Variants in IPO11 observed in about 807,000 individuals in gnomAD.
IPO11 encodes the protein importin-11.
A neutral mutation model predicts 143.2 loss-of-function variants in IPO11; 66 were observed. That is an observed-to-expected ratio of 0.46 (90% CI 0.38 to 0.57). IPO11 has a LOEUF of 0.57. Among genes scored for constraint, IPO11 ranks in the 20% least tolerant of loss-of-function variants. The pLI, the probability that IPO11 is intolerant of heterozygous loss-of-function variation, is 0.00. For missense variants in IPO11, 1,026 were observed against 1,141.0 expected, an observed-to-expected ratio of 0.90 and a Z score of 1.45; for synonymous variants, 385 against 377.8, an observed-to-expected ratio of 1.02 and a Z score of -0.22.
intron 21 of IPO11, chr5:62,526,695 G>A (rs1456683152): frequency 6.4e-6 from 1 of 155,118 alleles, no homozygotes; most frequent in African/African-American, 2.4e-5. Flanking sequence ...TTAGTAGTAT[G>A]CGTTATTAAG....
At chr5:62,461,526 C>T (rs1001670584) in intron 5 of IPO11, among the ~76,000 whole-genome samples, 2 of 152,140 alleles carry the variant, frequency 1.3e-5, no homozygotes, top group South Asian at 4.1e-4. Context: ...GGCTGTTTGT[C>T]GAAAGATAGT....
At chr5:62,536,456 T>C (rs528580926) in intron 22 of IPO11, among the ~76,000 whole-genome samples, 293 of 151,912 alleles carry the variant, frequency 1.9e-3, no homozygotes, top group Non-Finnish European at 2.7e-3. Context: ...TATTCATTCA[T>C]TGAGACAGGG....
intron 16 of IPO11, among the ~76,000 whole-genome samples, chr5:62,498,020 T>G (rs971339804): frequency 6.6e-6 from 1 of 151,126 alleles, no homozygotes; most frequent in African/African-American, 2.4e-5. Flanking sequence ...TGAATATTGT[T>G]TTTTTTTTTT....
intron 5 of IPO11, among the ~76,000 whole-genome samples, chr5:62,465,780 C>G (rs1745552730): frequency 2.0e-5 from 3 of 152,202 alleles, no homozygotes; most frequent in Admixed American, 2.0e-4. Context: ...CAGTGAACCA[C>G]TTTTAGATTC....
chr5:62,572,549 A>G (rs375533336), intron 27 of IPO11, among the ~76,000 whole-genome samples: 1,228 of 31,816 alleles, frequency 0.039, 5 homozygotes, highest in Non-Finnish European at 0.058. Context: ...TTGTTTGTTT[A>G]TTTATTTATT....
At chr5:62,572,216 C>G (rs1220546386) in intron 27 of IPO11, among the ~76,000 whole-genome samples, 1 of 152,084 alleles carries the variant, frequency 6.6e-6, no homozygotes, top group Non-Finnish European at 1.5e-5. Context: ...GATCATATTC[C>G]TAGATATTTC....
intron 27 of IPO11, among the ~76,000 whole-genome samples, chr5:62,574,855 A>G (rs187211430): frequency 1.5e-3 from 222 of 152,294 alleles, no homozygotes; most frequent in South Asian, 2.7e-3. Context: ...AAAGTGTCCT[A>G]GTGTCAGTAC....
At chr5:62,418,214 G>A (rs1580152856) in intron 1 of IPO11, among the ~76,000 whole-genome samples, 1 of 151,238 alleles carries the variant, frequency 6.6e-6, no homozygotes, top group Non-Finnish European at 1.5e-5. Context: ...TGACCAAGCT[G>A]GAGTGCAGTG....
chr5:62,602,380 G>A (rs929442953), intron 29 of IPO11, among the ~76,000 whole-genome samples: 4 of 151,780 alleles, frequency 2.6e-5, no homozygotes, highest in African/African-American at 7.3e-5. Context: ...ATATATAATC[G>A]TGAATGTTTA....
At chr5:62,447,381 C>T (rs1188353215) in intron 3 of IPO11, among the ~76,000 whole-genome samples, 2 of 152,192 alleles carry the variant, frequency 1.3e-5, no homozygotes, top group Non-Finnish European at 2.9e-5. Flanking sequence ...CTGGGATTTA[C>T]AGGCGTGAGC....
At chr5:62,429,777 C>T (rs544932621) in intron 1 of IPO11, among the ~76,000 whole-genome samples, 30 of 152,164 alleles carry the variant, frequency 2.0e-4, no homozygotes, top group African/African-American at 7.0e-4. Context: ...GCATGTGCCA[C>T]CACACCCAGC....
intron 27 of IPO11, chr5:62,562,205 A>T (rs1469706142): frequency 6.6e-6 from 1 of 152,342 alleles, no homozygotes; most frequent in East Asian, 1.9e-4. Flanking sequence ...GCCCTTCTGT[A>T]CCAAAGCCAT....
At chr5:62,505,824 A>C (rs533563919) in intron 18 of IPO11, among the ~76,000 whole-genome samples, 6 of 152,116 alleles carry the variant, frequency 3.9e-5, no homozygotes, top group Non-Finnish European at 7.4e-5. Flanking sequence ...ATGTGAGTGC[A>C]ATAATTAACG....
At chr5:62,613,142 T>C (rs548415079) in intron 29 of IPO11, among the ~76,000 whole-genome samples, 20 of 151,992 alleles carry the variant, frequency 1.3e-4, no homozygotes, top group Non-Finnish European at 2.1e-4. Flanking sequence ...CTCATTGATA[T>C]TTTTTTGTTT....
At chr5:62,483,903 G>C in intron 10 of IPO11, 107 bp from the exon 11 acceptor site, 1 of 908,112 alleles carries the variant, frequency 1.1e-6, no homozygotes, top group Non-Finnish European at 1.7e-6. Flanking sequence ...TTATACACAA[G>C]TGTATCTTCT....
chr5:62,550,770 A>T (rs1232743054), intron 25 of IPO11, among the ~76,000 whole-genome samples: 1 of 152,114 alleles, frequency 6.6e-6, no homozygotes, highest in Non-Finnish European at 1.5e-5. Flanking sequence ...AAATAGTATT[A>T]ATGTTCTTAT....
chr5:62,517,950 A>G (rs1179976735), intron 20 of IPO11, among the ~76,000 whole-genome samples: 1 of 152,126 alleles, frequency 6.6e-6, no homozygotes, highest in African/African-American at 2.4e-5. Flanking sequence ...ATAACATAAT[A>G]CCAAAATTGA....
intron 1 of IPO11, among the ~76,000 whole-genome samples, chr5:62,418,570 C>G (rs888090362): frequency 2.6e-5 from 4 of 152,124 alleles, no homozygotes; most frequent in African/African-American, 9.7e-5. Flanking sequence ...TTAAGGATAT[C>G]GGGAACATAG....
chr5:62,424,005 A>G (rs1743609593), intron 1 of IPO11, among the ~76,000 whole-genome samples: 1 of 152,028 alleles, frequency 6.6e-6, no homozygotes, highest in African/African-American at 2.4e-5. Context: ...TTCTCTTTGT[A>G]GACTTGGGCT....
Sources: gnomAD v4.1 joint callset for allele counts (sites outside exome capture counted in the v4.1 genomes callset) on GRCh38, gnomAD v4.1.1 for gene constraint, MANE v1.5 for transcripts, NCBI Gene and HGNC (gene_info 2026-07-23, HGNC 2026-07-21) for gene names.